The following SLMAP variants were observed in gnomAD, a reference collection of about 807,000 sequenced individuals.
SLMAP encodes the protein sarcolemmal membrane-associated protein.
In SLMAP, 44 loss-of-function variants were observed where a neutral mutation model predicts 128.8. The ratio of observed to expected loss-of-function variants is 0.34; its 90% CI spans 0.27 to 0.44. SLMAP has a LOEUF of 0.44. SLMAP is among the 20% of genes least tolerant of loss of function. The pLI is 1.00. For synonymous variants in SLMAP, 327 were observed against 348.8 expected (o/e 0.94, Z 0.70); for missense variants, 787 against 985.3 (o/e 0.80, Z 2.69).
intron 4 of SLMAP, 61 bp from the exon 5 acceptor site, chr3:57,847,136 T>C (rs2094294306): frequency 2.8e-6 from 3 of 1,084,256 alleles, no homozygotes; most frequent in Admixed American, 3.8e-5. Flanking sequence ...TCTGGTGCTC[T>C]CATACTCTGT....
chr3:57,789,046 G>A (rs945788293), intron 2 of SLMAP, among the ~76,000 whole-genome samples: 2 of 152,114 alleles, frequency 1.3e-5, no homozygotes, highest in Non-Finnish European at 2.9e-5. Flanking sequence ...TGTATGTCGG[G>A]GGAAATGTGG....
intron 2 of SLMAP, among the ~76,000 whole-genome samples, chr3:57,781,005 TATATATATACATATATATACACACAC>T (rs1232237673): frequency 3.9e-5 from 4 of 103,420 alleles, no homozygotes; most frequent in Admixed American, 1.1e-4. Flanking sequence ...TGTATGCACA[TATATATATACATATATATACACACAC>T]ATATATATGC....
At chr3:57,817,197 A>C (rs1265444738) in intron 2 of SLMAP, among the ~76,000 whole-genome samples, 1 of 152,188 alleles carries the variant, frequency 6.6e-6, no homozygotes, top group African/African-American at 2.4e-5. Flanking sequence ...GGTAAGAGGA[A>C]CTGTAATCGG....
intron 2 of SLMAP, among the ~76,000 whole-genome samples, chr3:57,775,177 C>CCCGAGTAG (rs2081590206): frequency 1.3e-5 from 2 of 151,640 alleles, no homozygotes; most frequent in Non-Finnish European, 2.9e-5. Context: ...GCCTCAGCCC[C>CCCGAGTAG]CGAGTAGCTG....
At chr3:57,878,034 G>A (rs1054740821) in intron 14 of SLMAP, among the ~76,000 whole-genome samples, 1 of 151,054 alleles carries the variant, frequency 6.6e-6, no homozygotes, top group Non-Finnish European at 1.5e-5. Flanking sequence ...GTAAAGATGG[G>A]GTTTCACCAT....
intron 2 of SLMAP, chr3:57,800,518 A>T: frequency 6.6e-6 from 1 of 152,472 alleles, no homozygotes; most frequent in Non-Finnish European, 1.5e-5. Context: ...TTTGAGAAGC[A>T]TAATAGAGTC....
Position 57,909,093 on chromosome 3 carries a change from A to T in SLMAP, c.1642A>T (p.Arg548Ter). ...ACTTTTAGCTCTTTTGGAAGAAGAA[A>T]GAAAAGCCTATCGAAATCAAGTTGA... Reference protein sequence around the residue: ...FELQALLEEERKAYRNQVEES... With the variant: ...FELQALLEEE The change falls in exon 19 of 25, where the codon AGA becomes TGA. Residue 548 changes from arginine (R) to a stop codon, truncating the protein, a stop_gained. Coordinates refer to ENST00000671191, the MANE Select transcript of SLMAP (RefSeq NM_001377540.1). LOFTEE classifies it high-confidence loss of function. 6.2e-7 allele frequency: 1 copy of T among 1,610,530 alleles called. No homozygotes were observed. Among genetic ancestry groups the T allele is most frequent in the Non-Finnish European group, 8.5e-7 (1 of 1,177,802 alleles).
chr3:57,890,944 A>G (rs2096053031), intron 15 of SLMAP: 1 of 152,220 alleles, frequency 6.6e-6, no homozygotes, highest in Non-Finnish European at 1.5e-5. Flanking sequence ...TATTTCAAAT[A>G]TCTCGTGGTT....
chr3:57,859,362 A>G (rs1237022655), intron 8 of SLMAP, among the ~76,000 whole-genome samples: 1 of 151,010 alleles, frequency 6.6e-6, no homozygotes, highest in Non-Finnish European at 1.5e-5. Context: ...TGAGACCAGT[A>G]TGGGCAACAT....
chr3:57,817,587 C>G (rs990245731), intron 2 of SLMAP, among the ~76,000 whole-genome samples: 3 of 152,196 alleles, frequency 2.0e-5, no homozygotes, highest in African/African-American at 7.2e-5. Context: ...GTCTAAGCGG[C>G]CTTGTTTGCT....
intron 2 of SLMAP, among the ~76,000 whole-genome samples, chr3:57,781,728 GA>G (rs2083113611): frequency 1.1e-5 from 1 of 88,316 alleles, no homozygotes; most frequent in Non-Finnish European, 2.2e-5. Flanking sequence ...AATATTGACT[GA>G]TTTTTTTTTT....
In SLMAP at chr3:57,923,023, T is replaced by C; in HGVS notation, c.2445T>C (p.Asn815=). 1 of 1,612,788 alleles carries C rather than the reference T, an allele frequency of 6.2e-7. No homozygotes were observed. The highest frequency in any genetic ancestry group is 8.5e-7 in the Non-Finnish European group (1 of 1,179,536). The stretch of plus-strand genomic sequence containing the variant: ...AGCTGCTCCGAGAGAAAGGAAATAA[T>C]GTAAGTCTTTGCAAACTTGGCTTAG... ...NLKLLREKGN[N]PSILQPVPAV... Residue 815 remains asparagine (N), a splice_region_variant and synonymous_variant, in exon 23 of 25, where the codon AAT becomes AAC. Transcript: ENST00000671191.
chr3:57,868,935 TTA>T (rs1560331548), intron 13 of SLMAP, among the ~76,000 whole-genome samples: 1 of 136,640 alleles, frequency 7.3e-6, no homozygotes, highest in Non-Finnish European at 1.6e-5. Context: ...ATAATATATG[TTA>T]TATGTGTGTA....
At chr3:57,787,624 C>T (rs577303277) in intron 2 of SLMAP, among the ~76,000 whole-genome samples, 3 of 152,246 alleles carry the variant, frequency 2.0e-5, no homozygotes, top group South Asian at 4.1e-4. Context: ...TACAGGCATG[C>T]GCCACGATAC....
At chr3:57,886,067 C>G (rs1245925763) in intron 14 of SLMAP, among the ~76,000 whole-genome samples, 3 of 149,928 alleles carry the variant, frequency 2.0e-5, no homozygotes, top group Non-Finnish European at 4.4e-5. Flanking sequence ...CAGGCATGAG[C>G]CAATGCGCCC....
intron 17 of SLMAP, 115 bp from the exon 18 acceptor site, chr3:57,907,769 T>C: frequency 1.1e-6 from 1 of 924,466 alleles, no homozygotes; most frequent in Non-Finnish European, 1.5e-6. Context: ...TTTATTTAAC[T>C]CAGTTGTTCT....
In SLMAP at chr3:57,907,959, C is replaced by T. The variant is rs529957129; in HGVS notation, c.1577C>T (p.Ala526Val). ...CATCTTCGAAAGGAATTGATCGAAG[C>T]CCAGGAGCTAGCTAGAACAAGTAAA... ...IQHLRKELIEAQELARTSKQK... is the reference protein window; with the variant it reads ...IQHLRKELIEVQELARTSKQK... The change falls in exon 18 of 25, where the codon GCC becomes GTC. Residue 526 changes from alanine to valine, a missense_variant. Transcript: ENST00000671191. The T allele has an allele frequency of 6.2e-7, 1 of 1,613,678 alleles. No homozygotes were observed. The highest frequency in any genetic ancestry group is 2.2e-5 in the East Asian group (1 of 44,844).
intron 13 of SLMAP, among the ~76,000 whole-genome samples, chr3:57,868,629 A>G (rs1161073799): frequency 1.3e-5 from 2 of 151,160 alleles, no homozygotes; most frequent in Non-Finnish European, 2.9e-5. Context: ...TGGGAGGCTG[A>G]GGAGGGAGGA....
chr3:57,843,305 CTTTTTTTTTTTT>C, intron 4 of SLMAP, among the ~76,000 whole-genome samples: 6 of 92,140 alleles, frequency 6.5e-5, no homozygotes, highest in East Asian at 3.0e-4. Context: ...CTTTCTTTTC[CTTTTTTTTTTTT>C]TTTTTTTTTT....
Sources: allele counts gnomAD v4.1 joint callset (sites outside exome capture counted in the v4.1 genomes callset), GRCh38; gene constraint gnomAD v4.1.1; transcripts MANE v1.5; gene names NCBI Gene and HGNC (gene_info 2026-07-23, HGNC 2026-07-21).